The following NUP133 variants were observed in gnomAD, a reference collection of about 807,000 sequenced individuals.
NUP133 encodes nucleoporin 133, also known as nuclear pore complex protein Nup133.
NUP133 carries 66 observed loss-of-function variants against 146.2 expected under a neutral mutation model. The ratio of observed to expected loss-of-function variants is 0.45; its 90% CI spans 0.37 to 0.55. NUP133 has a LOEUF of 0.55. Ranked by LOEUF, NUP133 falls within the 20% of genes least tolerant of loss-of-function variation. The pLI is 0.00. For synonymous variants in NUP133, 521 were observed against 498.8 expected (o/e 1.04, Z -0.59); for missense variants, 1,277 against 1,374.8 (o/e 0.93, Z 1.12).
chr1:229,487,796 T>C (rs572302809), intron 9 of NUP133, among the ~76,000 whole-genome samples, 183 bp from the exon 10 acceptor site: 39 of 152,018 alleles, frequency 2.6e-4, no homozygotes, highest in African/African-American at 9.2e-4. Flanking sequence ...AAACATCAAT[T>C]AGACATATAT....
At chr1:229,445,075 C>T in intron 24 of NUP133, 73 bp from the exon 25 acceptor site, 1 of 1,139,368 alleles carries the variant, frequency 8.8e-7, no homozygotes, top group Admixed American at 1.9e-5. Flanking sequence ...TGTTTGCTAT[C>T]ATGGTTTTAT....
chr1:229,473,639 T>C (rs1661008126), intron 14 of NUP133, among the ~76,000 whole-genome samples: 1 of 152,142 alleles, frequency 6.6e-6, no homozygotes, highest in African/African-American at 2.4e-5. Context: ...AGAGGTACAA[T>C]CACACTGGGC....
intron 6 of NUP133, 109 bp from the exon 7 acceptor site, chr1:229,496,156 T>G: frequency 2.3e-6 from 2 of 875,444 alleles, no homozygotes; most frequent in Admixed American, 3.7e-5. Context: ...CCTAGCAGAA[T>G]TCTTCATTTG....
rs200183017 is a variant in NUP133 at position 229,508,058 on chromosome 1, G to C, written c.182+10C>G. On this transcript the variant is annotated intron_variant, in intron 1 of 25. Coordinates refer to ENST00000261396, the MANE Select transcript of NUP133 (RefSeq NM_018230.3). ...GTTGGTTGCCAGACCCAACCAGGGA[G>C]ATCACTTACCGCGAGCTTAGCGAGC... 1 of 1,480,232 alleles carries C rather than the reference G, an allele frequency of 6.8e-7. No homozygotes were observed. The highest frequency in any genetic ancestry group is 2.6e-5 in the East Asian group (1 of 38,408). 91.7% of individuals were successfully genotyped at this position (1,480,232 alleles called of 1,614,324 possible).
At chr1:229,507,588 T>C (rs1360076342) in intron 1 of NUP133, among the ~76,000 whole-genome samples, 2 of 152,184 alleles carry the variant, frequency 1.3e-5, no homozygotes, top group African/African-American at 4.8e-5. Flanking sequence ...ACCCTTTAAT[T>C]ACCAATCATC....
chr1:229,492,345 G>A (rs1322433541), intron 8 of NUP133, among the ~76,000 whole-genome samples: 1 of 151,996 alleles, frequency 6.6e-6, no homozygotes, highest in Non-Finnish European at 1.5e-5. Context: ...GACCTCAGGT[G>A]ATCCGCCCAC....
intron 2 of NUP133, among the ~76,000 whole-genome samples, chr1:229,505,280 A>G (rs1215847600): frequency 1.3e-5 from 2 of 152,140 alleles, no homozygotes; most frequent in Non-Finnish European, 2.9e-5. Context: ...TGCTGCTGGT[A>G]TATTGTTATA....
chr1:229,487,693 C>T, intron 9 of NUP133, 80 bp from the exon 10 acceptor site: 1 of 1,080,928 alleles, frequency 9.3e-7, no homozygotes, highest in Non-Finnish European at 1.3e-6. Context: ...CATTTTTGTA[C>T]ATTATTTCAT....
At chr1:229,501,412 T>G (rs147019335) in intron 3 of NUP133, among the ~76,000 whole-genome samples, 1 of 152,110 alleles carries the variant, frequency 6.6e-6, no homozygotes, top group Non-Finnish European at 1.5e-5. Context: ...AAGTGAAGAA[T>G]TGAGGTAAGC....
intron 24 of NUP133, chr1:229,448,713 C>T (rs1414269809): frequency 1.6e-5 from 3 of 187,228 alleles, no homozygotes; most frequent in Non-Finnish European, 3.3e-5. Context: ...CTGGGGTCAT[C>T]GGGACCGCTC....
intron 25 of NUP133, among the ~76,000 whole-genome samples, 185 bp downstream of exon 25, chr1:229,444,729 T>G (rs484940): frequency 1.3e-5 from 2 of 152,078 alleles, no homozygotes; most frequent in Non-Finnish European, 2.9e-5. Flanking sequence ...GGTCTGTAGT[T>G]CCAGCTACTC....
intron 18 of NUP133, 52 bp from the exon 19 acceptor site, chr1:229,463,728 C>T (rs1182714905): frequency 1.3e-6 from 2 of 1,519,982 alleles, no homozygotes; most frequent in East Asian, 4.9e-5. Context: ...AACTTAAAAT[C>T]TGTAATAAAA....
At chr1:229,471,516 A>G (rs973384398) in intron 14 of NUP133, among the ~76,000 whole-genome samples, 1 of 152,192 alleles carries the variant, frequency 6.6e-6, no homozygotes, top group Non-Finnish European at 1.5e-5. Context: ...ACTGATTTCC[A>G]TACCCCTAAT....
At chr1:229,488,534 G>A (rs1027139367) in intron 9 of NUP133, among the ~76,000 whole-genome samples, 6 of 152,120 alleles carry the variant, frequency 3.9e-5, no homozygotes, top group African/African-American at 1.4e-4. Flanking sequence ...TGCCCTGGCT[G>A]AAATTTTTTC....
chr1:229,442,308 G>A (rs968706125), intron 25 of NUP133, among the ~76,000 whole-genome samples: 1 of 152,152 alleles, frequency 6.6e-6, no homozygotes, highest in Non-Finnish European at 1.5e-5. Context: ...GATCTGAAAC[G>A]TTTTCATGTA....
chr1:229,467,569 C>G (rs1291464108), intron 15 of NUP133, among the ~76,000 whole-genome samples: 2 of 152,198 alleles, frequency 1.3e-5, no homozygotes, highest in Non-Finnish European at 2.9e-5. Flanking sequence ...GGCAAGAAAT[C>G]TTTAGCACAT....
At chr1:229,449,861 ATATATATATATATTT>A (rs1660402015) in intron 23 of NUP133, among the ~76,000 whole-genome samples, 1 of 97,254 alleles carries the variant, frequency 1.0e-5, no homozygotes, top group Non-Finnish European at 2.0e-5. Flanking sequence ...TTATATATAT[ATATATATATATATTT>A]TTTTTTTTTT....
At chr1:229,465,142 T>C (rs1378828396) in intron 17 of NUP133, among the ~76,000 whole-genome samples, 1 of 152,176 alleles carries the variant, frequency 6.6e-6, no homozygotes, top group Non-Finnish European at 1.5e-5. Flanking sequence ...CAACATAAAA[T>C]ATAGTCCATA....
chr1:229,467,100 T>G (rs925246979), intron 15 of NUP133, among the ~76,000 whole-genome samples: 3 of 152,202 alleles, frequency 2.0e-5, no homozygotes, highest in Admixed American at 1.3e-4. Flanking sequence ...CCCAAACTAA[T>G]GAACTAATAG....
Sources: gnomAD v4.1 joint callset for allele counts (sites outside exome capture counted in the v4.1 genomes callset) on GRCh38, gnomAD v4.1.1 for gene constraint, MANE v1.5 for transcripts, NCBI Gene and HGNC (gene_info 2026-07-23, HGNC 2026-07-21) for gene names.